The following EVI5 variants were observed in gnomAD, a reference collection of about 807,000 sequenced individuals.
EVI5 encodes ecotropic viral integration site 5.
In EVI5, 73 loss-of-function variants were observed where a neutral mutation model predicts 112.0. The ratio of observed to expected loss-of-function variants is 0.65; its 90% confidence interval spans 0.54 to 0.79. The LOEUF (loss-of-function observed/expected upper bound fraction) is 0.79, where lower values mean the gene tolerates loss of function less well. Among genes scored for constraint, EVI5 ranks in the 30% least tolerant of loss-of-function variants. The pLI, the probability that EVI5 is intolerant of heterozygous loss-of-function variation, is 0.00. For synonymous variants in EVI5, 305 were observed against 319.9 expected (o/e 0.95, Z 0.50); for missense variants, 900 against 968.8 (o/e 0.93, Z 0.94).
At chr1:92,596,171 A>T (rs1647802812) in intron 18 of EVI5, among the ~76,000 whole-genome samples, 1 of 152,154 alleles carries the variant, frequency 6.6e-6, no homozygotes, top group South Asian at 2.1e-4. Flanking sequence ...AGTCTGGGGA[A>T]CATGGCGAAA....
chr1:92,732,036 C>T (rs983641765), intron 2 of EVI5: 1 of 152,838 alleles, frequency 6.5e-6, no homozygotes, highest in African/African-American at 2.4e-5. Flanking sequence ...AGAGATGGCA[C>T]AGTTGAACAC....
chr1:92,624,267 T>A lies in EVI5; in HGVS notation c.1736A>T (p.Gln579Leu). 1 of 1,612,428 alleles carries A rather than the reference T, an allele frequency of 6.2e-7. No homozygotes were observed. Among genetic ancestry groups the A allele is most frequent in the African/African-American group, 1.3e-5 (1 of 74,998 alleles). ...PPKKNAMNELQDELMTIRLRE... is the reference protein window; with the variant it reads ...PPKKNAMNELLDELMTIRLRE... ...AAGTCGAATGGTCATCAGTTCATCT[T>A]GTAACTCATTCATAGCATTTTTCTT... Residue 579 changes from glutamine (Q) to leucine (L), a missense_variant, in exon 16 of 20, where the codon CAA (glutamine) becomes CTA (leucine). Coordinates refer to ENST00000684568, the MANE Select transcript of EVI5 (RefSeq NM_001350197.2).
chr1:92,671,230 A>G (rs78886094), intron 10 of EVI5, among the ~76,000 whole-genome samples: 10,521 of 152,186 alleles, frequency 0.069, 485 homozygotes, highest in Non-Finnish European at 0.099. Flanking sequence ...GGAAAATGCA[A>G]TGGTCATTTC....
chr1:92,571,350 A>G (rs2100993376), intron 18 of EVI5, among the ~76,000 whole-genome samples: 1 of 151,936 alleles, frequency 6.6e-6, no homozygotes, highest in East Asian at 1.9e-4. Context: ...AGTGTGACGG[A>G]CCAGTTAGAA....
At chr1:92,764,474 T>C (rs181983537) in intron 1 of EVI5, among the ~76,000 whole-genome samples, 326 of 152,308 alleles carry the variant, frequency 2.1e-3, no homozygotes, top group African/African-American at 7.5e-3. Context: ...AAACTTCCTC[T>C]CCCTGGTCCA....
At chr1:92,672,140 A>G (rs1665989348) in intron 10 of EVI5, among the ~76,000 whole-genome samples, 1 of 150,140 alleles carries the variant, frequency 6.7e-6, no homozygotes, top group Non-Finnish European at 1.5e-5. Flanking sequence ...TGTCTGCATT[A>G]CCACATCAGC....
chr1:92,687,940 G>A (rs966078841), intron 9 of EVI5, among the ~76,000 whole-genome samples: 11 of 152,182 alleles, frequency 7.2e-5, no homozygotes, highest in African/African-American at 2.7e-4. Context: ...TGGTGGGAGT[G>A]TAAATTAGTT....
At chr1:92,733,488 C>A (rs1009766618) in intron 2 of EVI5, among the ~76,000 whole-genome samples, 1 of 151,332 alleles carries the variant, frequency 6.6e-6, no homozygotes, top group South Asian at 2.1e-4. Context: ...CTAACTGCAA[C>A]CTCCACCTCC....
chr1:92,686,226 T>C (rs1668510598), intron 9 of EVI5, among the ~76,000 whole-genome samples: 1 of 152,220 alleles, frequency 6.6e-6, no homozygotes, highest in Non-Finnish European at 1.5e-5. Context: ...ATCCCTGGGA[T>C]GCAAGGCTGC....
intron 11 of EVI5, among the ~76,000 whole-genome samples, chr1:92,664,216 T>C (rs1664493787): frequency 6.6e-6 from 1 of 152,172 alleles, no homozygotes; most frequent in Non-Finnish European, 1.5e-5. Flanking sequence ...AAGGAAAATA[T>C]GACAAATAAA....
At chr1:92,613,490 G>A (rs1652353983) in intron 16 of EVI5, among the ~76,000 whole-genome samples, 1 of 152,034 alleles carries the variant, frequency 6.6e-6, no homozygotes, top group Non-Finnish European at 1.5e-5. Flanking sequence ...GTAGAGATGG[G>A]GTTTCACCAT....
intron 9 of EVI5, among the ~76,000 whole-genome samples, chr1:92,687,124 AC>A (rs1208703071): frequency 6.6e-6 from 1 of 152,204 alleles, no homozygotes; most frequent in Admixed American, 6.5e-5. Context: ...GCATCACGCT[AC>A]CTGACTTCAA....
chr1:92,617,432 T>C (rs1253342296), intron 16 of EVI5, among the ~76,000 whole-genome samples: 1 of 152,212 alleles, frequency 6.6e-6, no homozygotes, highest in Non-Finnish European at 1.5e-5. Context: ...TTGTATCCCA[T>C]GTGAGTGCTC....
chr1:92,644,568 G>C (rs1396810241), intron 13 of EVI5, among the ~76,000 whole-genome samples: 2 of 152,028 alleles, frequency 1.3e-5, no homozygotes, highest in African/African-American at 4.8e-5. Context: ...TATATGTCTA[G>C]TTTATTAAGG....
At chr1:92,708,613 G>T (rs723909) in intron 2 of EVI5, among the ~76,000 whole-genome samples, 140,148 of 152,112 alleles carry the variant, frequency 0.92, 64,645 homozygotes, top group East Asian at 0.97. Flanking sequence ...CCACTCTTAG[G>T]TATATATCCA....
At chr1:92,706,256 G>T (rs979465270) in intron 2 of EVI5, among the ~76,000 whole-genome samples, 1 of 151,858 alleles carries the variant, frequency 6.6e-6, no homozygotes, top group African/African-American at 2.4e-5. Flanking sequence ...GATAAAAAAA[G>T]AATTAATGAT....
intron 19 of EVI5, among the ~76,000 whole-genome samples, chr1:92,542,361 C>A (rs966579120): frequency 2.0e-5 from 3 of 152,054 alleles, no homozygotes; most frequent in Admixed American, 1.3e-4. Flanking sequence ...TCAGGCTCTA[C>A]TACATTACTA....
intron 14 of EVI5, among the ~76,000 whole-genome samples, chr1:92,634,813 T>A (rs1348694890): frequency 6.6e-6 from 1 of 152,232 alleles, no homozygotes; most frequent in Non-Finnish European, 1.5e-5. Flanking sequence ...TGTGGTTTTA[T>A]CTACGTTTGG....
At chr1:92,533,106 G>T (rs1232505654) in intron 19 of EVI5, among the ~76,000 whole-genome samples, 1 of 151,456 alleles carries the variant, frequency 6.6e-6, no homozygotes, top group Admixed American at 6.6e-5. Context: ...TGATAAAGGG[G>T]ATACCACCAC....
Sources: gnomAD v4.1 joint callset for allele counts (sites outside exome capture counted in the v4.1 genomes callset) on GRCh38, gnomAD v4.1.1 for gene constraint, MANE v1.5 for transcripts, NCBI Gene and HGNC (gene_info 2026-07-23, HGNC 2026-07-21) for gene names.